The following DNAH5 variants were observed in gnomAD, a reference collection of about 807,000 sequenced individuals.
DNAH5 encodes the protein dynein axonemal heavy chain 5.
Under a neutral mutation model 518.2 loss-of-function variants are expected in DNAH5, and 372 were observed. That is an observed-to-expected ratio of 0.72 (90% CI 0.66 to 0.78). The LOEUF (loss-of-function observed/expected upper bound fraction) is 0.78. DNAH5 is among the 30% of genes least tolerant of loss of function. The pLI is 0.00. For missense variants in DNAH5, 5,523 were observed against 5,687.0 expected (o/e 0.97, Z 0.93); for synonymous variants, 2,039 against 2,025.9 (o/e 1.01, Z -0.17).
chr5:14,001,464 T>C (rs1784346941), intron 1 of DNAH5, among the ~76,000 whole-genome samples: 1 of 151,908 alleles, frequency 6.6e-6, no homozygotes, highest in African/African-American at 2.4e-5. Context: ...CCTGGGTTCA[T>C]GCCATTCTCC....
chr5:13,942,208 A>T (rs1779523030), intron 1 of DNAH5, among the ~76,000 whole-genome samples: 1 of 150,664 alleles, frequency 6.6e-6, no homozygotes, highest in Non-Finnish European at 1.5e-5. Flanking sequence ...GACTTTGTTT[A>T]TGGTACATTT....
intron 76 of DNAH5, among the ~76,000 whole-genome samples, chr5:13,701,646 T>C (rs1177460491): frequency 1.3e-5 from 2 of 152,226 alleles, no homozygotes; most frequent in Admixed American, 6.5e-5. Context: ...TAAGATATGA[T>C]AGAATATACT....
chr5:13,810,619 T>C (rs1332316676), intron 44 of DNAH5: 1 of 175,904 alleles, frequency 5.7e-6, no homozygotes, highest in Non-Finnish European at 1.2e-5. Context: ...CCGAGGGTGG[T>C]GGCGGGCGCC....
At chr5:13,901,188 CA>C (rs1204851322) in intron 14 of DNAH5, 63 bp downstream of exon 14, 1 of 1,548,912 alleles carries the variant, frequency 6.5e-7, no homozygotes, top group Non-Finnish European at 8.8e-7. Flanking sequence ...ATAACACTGT[CA>C]AATGCTAGAA....
chr5:13,930,054 A>G (rs1164184505), intron 2 of DNAH5, among the ~76,000 whole-genome samples: 1 of 152,220 alleles, frequency 6.6e-6, no homozygotes, highest in Non-Finnish European at 1.5e-5. Context: ...AGTGTCAGCT[A>G]TGAGGAGAAG....
intron 55 of DNAH5, among the ~76,000 whole-genome samples, chr5:13,774,340 T>C (rs1338808522): frequency 6.6e-6 from 1 of 152,100 alleles, no homozygotes; most frequent in African/African-American, 2.4e-5. Context: ...TGAGCGATAA[T>C]GGCCCTTCCT....
chr5:13,802,642 A>G (rs1758941150), intron 47 of DNAH5, among the ~76,000 whole-genome samples: 1 of 152,140 alleles, frequency 6.6e-6, no homozygotes, highest in Non-Finnish European at 1.5e-5. Flanking sequence ...GCAACATTGG[A>G]AGGGGTATTG....
rs746027109 is a variant in DNAH5 at position 13,776,748 on chromosome 5, G to A, written c.9106-42C>T. On this transcript the variant is annotated intron_variant, in intron 54 of 78. Coordinates refer to ENST00000265104, the MANE Select transcript of DNAH5 (RefSeq NM_001369.3). ...GGCATGCAAATTCAGTACACACATA[G>A]GAAAATAGATCAAAATGTAGAGCTT... 5 of 1,604,298 alleles carry A rather than the reference G, an allele frequency of 3.1e-6. No individual in the cohort carries two copies. In the East Asian group the frequency reaches 8.9e-5, roughly 29 times the overall value.
intron 50 of DNAH5, among the ~76,000 whole-genome samples, chr5:13,791,597 T>C (rs1030921746): frequency 1.3e-5 from 2 of 152,206 alleles, no homozygotes; most frequent in South Asian, 4.1e-4. Flanking sequence ...ATAAAGATAA[T>C]TACTTTTTAA....
intron 71 of DNAH5, among the ~76,000 whole-genome samples, chr5:13,719,504 G>C (rs1744755845): frequency 6.6e-6 from 1 of 152,078 alleles, no homozygotes; most frequent in East Asian, 1.9e-4. Flanking sequence ...AGAGAGTGAA[G>C]GCATTATCAT....
Position 13,870,898 on chromosome 5 carries a change from G to A in DNAH5, c.3703C>T (p.Leu1235Phe), listed in dbSNP as rs750884425. 1.2e-6 allele frequency: 2 copies of A among 1,613,644 alleles called. No individual in the cohort carries two copies. The highest frequency in any genetic ancestry group is 2.7e-5 in the African/African-American group (2 of 74,864). ...YRSEMENIFM[L>F]IEEFNKKLNR... ...AGTTTCTTATTGAATTCTTCAATAA[G>A]CATAAAAATGTTTTCCATCTCACTC... The change falls in exon 24 of 79, where the codon CTT (leucine) becomes TTT (phenylalanine). Residue 1235 changes from leucine to phenylalanine, a missense_variant. Coordinates refer to ENST00000265104, the MANE Select transcript of DNAH5 (RefSeq NM_001369.3).
chr5:13,866,064 A>G (rs1022391995), intron 26 of DNAH5, among the ~76,000 whole-genome samples, 156 bp downstream of exon 26: 4 of 152,246 alleles, frequency 2.6e-5, no homozygotes, highest in African/African-American at 9.6e-5. Flanking sequence ...CATAGAAACT[A>G]CTTCTAATTG....
intron 1 of DNAH5, among the ~76,000 whole-genome samples, chr5:13,955,521 G>T (rs1780707300): frequency 6.6e-6 from 1 of 152,112 alleles, no homozygotes; most frequent in South Asian, 2.1e-4. Context: ...AACAAAAATT[G>T]GAGGGGTTAA....
chr5:13,843,425 A>G (rs750736464), intron 32 of DNAH5, among the ~76,000 whole-genome samples: 3 of 152,110 alleles, frequency 2.0e-5, no homozygotes, highest in Non-Finnish European at 4.4e-5. Flanking sequence ...CTCTTTGCTC[A>G]TGGCTCCCTG....
intron 1 of DNAH5, among the ~76,000 whole-genome samples, chr5:13,978,486 C>G (rs1782438535): frequency 6.6e-6 from 1 of 152,186 alleles, no homozygotes; most frequent in Non-Finnish European, 1.5e-5. Flanking sequence ...TCTCCAGGCT[C>G]TGTGTGTCTA....
chr5:13,840,508 A>T (rs949610137), intron 34 of DNAH5, among the ~76,000 whole-genome samples: 2 of 152,232 alleles, frequency 1.3e-5, no homozygotes, highest in African/African-American at 4.8e-5. Flanking sequence ...ATTTTTCAAA[A>T]GGCTTAAGGG....
chr5:13,819,226 A>G lies in DNAH5; in HGVS notation c.6841+1120T>C, dbSNP rs146920490. Among the ~76,000 whole-genome samples the G allele has an allele frequency of 8.8e-3, 1,339 of 152,310 alleles. 21 individuals are homozygous for G. The highest frequency in any genetic ancestry group is 0.031 in the African/African-American group (1,278 of 41,564). ...ATTATTTAAGAAACATAAAAATCCC[A>G]AAACAGAATCTTAACAGCATACATG... On this transcript the variant is annotated intron_variant, in intron 41 of 78. Coordinates refer to ENST00000265104, the MANE Select transcript of DNAH5 (RefSeq NM_001369.3).
At chr5:13,973,721 TA>T (rs55645869) in intron 1 of DNAH5, among the ~76,000 whole-genome samples, 21,968 of 145,054 alleles carry the variant, frequency 0.15, 1,641 homozygotes, top group African/African-American at 0.19. Flanking sequence ...TCACTTATGT[TA>T]AAAAAAAAAA....
At chr5:13,984,551 A>C (rs1316987086) in intron 1 of DNAH5, among the ~76,000 whole-genome samples, 1 of 152,160 alleles carries the variant, frequency 6.6e-6, no homozygotes, top group Admixed American at 6.5e-5. Flanking sequence ...CCTGGCCAGA[A>C]CTTCCAACAC....
Sources: gnomAD v4.1 joint callset for allele counts (sites outside exome capture counted in the v4.1 genomes callset) on GRCh38, gnomAD v4.1.1 for gene constraint, MANE v1.5 for transcripts, NCBI Gene and HGNC (gene_info 2026-07-23, HGNC 2026-07-21) for gene names.